Variants in PLCB4 observed in about 807,000 individuals in gnomAD.
PLCB4 encodes the protein 1-phosphatidylinositol 4,5-bisphosphate phosphodiesterase beta-4.
In PLCB4, 77 loss-of-function variants were observed where a neutral mutation model predicts 178.8. That is an observed-to-expected ratio of 0.43 (90% CI 0.36 to 0.52). The LOEUF (loss-of-function observed/expected upper bound fraction) is 0.52. Ranked by LOEUF, PLCB4 falls within the 20% of genes least tolerant of loss-of-function variation. The pLI, the probability that PLCB4 is intolerant of heterozygous loss-of-function variation, is 0.00. For synonymous variants in PLCB4, 496 were observed against 490.8 expected (o/e 1.01, Z -0.14); for missense variants, 1,024 against 1,453.4 (o/e 0.70, Z 4.80).
At chr20:9,417,855 T>G (rs553774532) in intron 25 of PLCB4, among the ~76,000 whole-genome samples, 2 of 152,282 alleles carry the variant, frequency 1.3e-5, no homozygotes, top group East Asian at 3.9e-4. Flanking sequence ...CACATCCTTG[T>G]CAACACTTAT....
chr20:9,202,069 T>C (rs1178633635), intron 2 of PLCB4, among the ~76,000 whole-genome samples: 1 of 152,158 alleles, frequency 6.6e-6, no homozygotes, highest in Non-Finnish European at 1.5e-5. Flanking sequence ...AACAAATTAG[T>C]GATGCATGCA....
intron 30 of PLCB4, among the ~76,000 whole-genome samples, chr20:9,441,062 A>C (rs1364176539): frequency 6.6e-6 from 1 of 152,238 alleles, no homozygotes; most frequent in Non-Finnish European, 1.5e-5. Flanking sequence ...GAAAACAGAA[A>C]GAAAAGTCAC....
At chr20:9,439,723 A>G (rs1205920982) in intron 30 of PLCB4, among the ~76,000 whole-genome samples, 1 of 152,188 alleles carries the variant, frequency 6.6e-6, no homozygotes, top group African/African-American at 2.4e-5. Context: ...TTACTTCTTC[A>G]GCAGTGCCCA....
At chr20:9,344,909 T>C (rs1349647033) in intron 7 of PLCB4, among the ~76,000 whole-genome samples, 1 of 152,194 alleles carries the variant, frequency 6.6e-6, no homozygotes, top group East Asian at 1.9e-4. Context: ...TAAAAAGAAT[T>C]ACTAACAAAT....
intron 3 of PLCB4, among the ~76,000 whole-genome samples, chr20:9,263,040 T>TG (rs1387116665): frequency 6.6e-6 from 1 of 152,174 alleles, no homozygotes; most frequent in African/African-American, 2.4e-5. Context: ...TGAGGTTGGG[T>TG]GACTGTCCTA....
At chr20:9,106,298 C>T (rs75186688) in intron 2 of PLCB4, among the ~76,000 whole-genome samples, 2,487 of 150,652 alleles carry the variant, frequency 0.017, 31 homozygotes, top group South Asian at 0.03. Context: ...TGGCAAAAAC[C>T]GCAATTACTT....
At chr20:9,120,731 C>A (rs2091934723) in intron 2 of PLCB4, among the ~76,000 whole-genome samples, 1 of 128,224 alleles carries the variant, frequency 7.8e-6, no homozygotes, top group South Asian at 2.7e-4. Flanking sequence ...TGCAGTCTTC[C>A]ATGGGTTTCC....
At chr20:9,203,796 T>G (rs1601121441) in intron 2 of PLCB4, among the ~76,000 whole-genome samples, 1 of 149,922 alleles carries the variant, frequency 6.7e-6, no homozygotes, top group African/African-American at 2.5e-5. Flanking sequence ...TTTTTTTTTT[T>G]TTTTTTTCCC....
chr20:9,467,512 C>G (rs1287862130), intron 35 of PLCB4, among the ~76,000 whole-genome samples: 1 of 152,230 alleles, frequency 6.6e-6, no homozygotes, highest in Non-Finnish European at 1.5e-5. Flanking sequence ...TCTCAAACCC[C>G]TGGTGGTTGT....
intron 7 of PLCB4, 145 bp from the exon 8 acceptor site, chr20:9,362,751 A>G (rs2035454952): frequency 6.4e-6 from 4 of 622,446 alleles, no homozygotes; most frequent in Non-Finnish European, 1.1e-5. Context: ...AGCCTGCAAA[A>G]TATAGATGGC....
intron 2 of PLCB4, among the ~76,000 whole-genome samples, chr20:9,130,391 A>G (rs2092242540): frequency 6.6e-6 from 1 of 152,244 alleles, no homozygotes; most frequent in Non-Finnish European, 1.5e-5. Context: ...AGATGCATGC[A>G]TACTTCAAAA....
intron 3 of PLCB4, among the ~76,000 whole-genome samples, chr20:9,263,713 C>A (rs980593789): frequency 1.3e-5 from 2 of 152,208 alleles, no homozygotes; most frequent in African/African-American, 4.8e-5. Context: ...CCTGCCCTCA[C>A]TGAGCTCTTA....
rs879461568 is a variant in PLCB4, at chr20:9,312,392, A to ACG, written c.84+4495_84+4496insGC. On this transcript the variant is annotated intron_variant, in intron 4 of 39. Transcript: ENST00000378473. ...CACACACACACACACACACACACAC[A>ACG]CACACGCACGCACTCACACACACGT... 9.3e-3 allele frequency among the ~76,000 whole-genome samples: 1,358 copies of ACG among 145,320 alleles called. 19 individuals are homozygous for ACG. The highest frequency in any genetic ancestry group is 0.088 in the East Asian group (438 of 5,000).
At chr20:9,339,944 C>T (rs188593583) in intron 7 of PLCB4, among the ~76,000 whole-genome samples, 2 of 152,246 alleles carry the variant, frequency 1.3e-5, no homozygotes, top group Admixed American at 6.5e-5. Flanking sequence ...GTGATTTTAC[C>T]TCTGTACAGA....
intron 28 of PLCB4, 44 bp downstream of exon 28, chr20:9,423,996 C>A: frequency 8.4e-7 from 1 of 1,191,684 alleles, no homozygotes; most frequent in South Asian, 1.2e-5. Context: ...AGATGAGGTC[C>A]TAGATTATAA....
At chr20:9,389,539 C>A (rs546245296) in intron 15 of PLCB4, among the ~76,000 whole-genome samples, 3 of 152,330 alleles carry the variant, frequency 2.0e-5, no homozygotes, top group Non-Finnish European at 4.4e-5. Context: ...CCAGAGATCA[C>A]CTGCTCCTCA....
intron 3 of PLCB4, among the ~76,000 whole-genome samples, chr20:9,263,702 C>G (rs2094320637): frequency 6.6e-6 from 1 of 152,118 alleles, no homozygotes; most frequent in Non-Finnish European, 1.5e-5. Flanking sequence ...AAGAGCTATC[C>G]CCTGCCCTCA....
At chr20:9,263,054 A>G (rs2147560733) in intron 3 of PLCB4, among the ~76,000 whole-genome samples, 1 of 152,160 alleles carries the variant, frequency 6.6e-6, no homozygotes, top group South Asian at 2.1e-4. Context: ...TGTCCTAGAT[A>G]TTTACATGCC....
At chr20:9,353,221 A>C (rs1183820852) in intron 7 of PLCB4, among the ~76,000 whole-genome samples, 3 of 152,120 alleles carry the variant, frequency 2.0e-5, no homozygotes, top group Non-Finnish European at 4.4e-5. Flanking sequence ...GTAGCTTTCT[A>C]TCCTGGGTTT....
Sources: allele counts gnomAD v4.1 joint callset (sites outside exome capture counted in the v4.1 genomes callset), GRCh38; gene constraint gnomAD v4.1.1; transcripts MANE v1.5; gene names NCBI Gene and HGNC (gene_info 2026-07-23, HGNC 2026-07-21).